Variants in GLRB observed in about 807,000 individuals in gnomAD.
GLRB encodes the protein glycine receptor beta.
Under a neutral mutation model 54.2 loss-of-function variants are expected in GLRB, and 33 were observed. The observed-to-expected ratio is 0.61, with a 90% CI of 0.46 to 0.81. The LOEUF (loss-of-function observed/expected upper bound fraction) is 0.81. GLRB is among the 40% of genes least tolerant of loss of function. The pLI is 0.00. For missense variants in GLRB, 572 were observed against 584.6 expected (o/e 0.98, Z 0.22); for synonymous variants, 209 against 208.2 (o/e 1.00, Z -0.03).
At chr4:157,096,870 A>G (rs1734832706) in intron 2 of GLRB, among the ~76,000 whole-genome samples, 1 of 152,198 alleles carries the variant, frequency 6.6e-6, no homozygotes, top group African/African-American at 2.4e-5. Context: ...TTTCCTGACA[A>G]TAGCAAAAAC....
intron 9 of GLRB, among the ~76,000 whole-genome samples, chr4:157,163,416 A>G (rs1737588716): frequency 6.6e-6 from 1 of 152,120 alleles, no homozygotes; most frequent in South Asian, 2.1e-4. Flanking sequence ...TGGGAGGGGT[A>G]GACTGGAGCT....
intron 4 of GLRB, among the ~76,000 whole-genome samples, chr4:157,132,265 T>C (rs1325279422): frequency 6.6e-6 from 1 of 151,776 alleles, no homozygotes; most frequent in Non-Finnish European, 1.5e-5. Flanking sequence ...TGTTTTCTGA[T>C]GGTTGAGTTT....
intron 8 of GLRB, among the ~76,000 whole-genome samples, chr4:157,148,327 C>T (rs1465284189): frequency 6.6e-6 from 1 of 152,038 alleles, no homozygotes. Flanking sequence ...AAAGCACCAG[C>T]TTTTATCTCA....
At chr4:157,098,640 C>G (rs937285716) in intron 2 of GLRB, among the ~76,000 whole-genome samples, 5 of 151,982 alleles carry the variant, frequency 3.3e-5, no homozygotes, top group Non-Finnish European at 5.9e-5. Flanking sequence ...TGGAGTCTCG[C>G]TCTGTCACCC....
chr4:157,158,559 G>T (rs1051166145), intron 9 of GLRB, among the ~76,000 whole-genome samples: 1 of 152,182 alleles, frequency 6.6e-6, no homozygotes, highest in Non-Finnish European at 1.5e-5. Flanking sequence ...TGGCTAGCCA[G>T]TTTTCCCAGC....
At chr4:157,119,783 G>GT (rs1189140726) in intron 2 of GLRB, among the ~76,000 whole-genome samples, 45 of 151,640 alleles carry the variant, frequency 3.0e-4, no homozygotes, top group Admixed American at 1.1e-3. Context: ...TACACTGTTG[G>GT]GGGACTGTAA....
chr4:157,171,679 G>T lies in GLRB; in HGVS notation c.*951G>T, dbSNP rs1737928806. 1 of 152,074 alleles carries T rather than the reference G, an allele frequency of 6.6e-6. No individual in the cohort carries two copies. 9.4% of individuals were successfully genotyped at this position (152,074 alleles called of 1,614,324 possible). A position where few individuals can be genotyped will look rare whatever the true frequency, so the allele number is the denominator to read the frequency against. On this transcript the variant is annotated 3_prime_UTR_variant, in exon 10 of 10. Coordinates refer to ENST00000264428, the MANE Select transcript of GLRB (RefSeq NM_000824.5). The stretch of plus-strand genomic sequence containing the variant: ...ACTTTTTTATTTTATTAAAATGCTT[G>T]CATATTTTAAGTAAAATTAAAAATG...
intron 2 of GLRB, among the ~76,000 whole-genome samples, chr4:157,115,344 T>C (rs1735573072): frequency 1.3e-5 from 2 of 151,472 alleles, no homozygotes; most frequent in African/African-American, 4.8e-5. Flanking sequence ...CATTTCACTT[T>C]ATATGAGGTT....
chr4:157,112,281 A>T (rs1003234699), intron 2 of GLRB, among the ~76,000 whole-genome samples: 1 of 151,892 alleles, frequency 6.6e-6, no homozygotes, highest in African/African-American at 2.4e-5. Context: ...GAATCCATAA[A>T]CAAATTTATC....
intron 2 of GLRB, among the ~76,000 whole-genome samples, chr4:157,110,273 TA>T (rs1735369931): frequency 6.6e-6 from 1 of 151,940 alleles, no homozygotes. Flanking sequence ...GAAGATCAAA[TA>T]TATATATATC....
intron 2 of GLRB, among the ~76,000 whole-genome samples, chr4:157,098,277 A>G (rs912114571): frequency 1.3e-5 from 2 of 152,162 alleles, no homozygotes; most frequent in Non-Finnish European, 2.9e-5. Flanking sequence ...TTTAATTGTT[A>G]TGAATATATT....
Position 157,077,889 on chromosome 4 carries a change from C to A in GLRB, c.-29-107C>A, listed in dbSNP as rs1024532915. 2.2e-5 allele frequency: 15 copies of A among 672,614 alleles called. No homozygotes were observed. The East Asian group carries it at 4.2e-4, about 19-fold the overall frequency. 41.7% of individuals were successfully genotyped at this position (672,614 alleles called of 1,614,324 possible). Reference sequence around the variant, plus strand: ...GACTGAGCAATGAGGATTTGATGTACAAATGTACTTGCCCTTTGGGTAGTA... The same window carrying A: ...GACTGAGCAATGAGGATTTGATGTAAAAATGTACTTGCCCTTTGGGTAGTA... On this transcript the variant is annotated intron_variant, in intron 1 of 9. Coordinates refer to ENST00000264428, the MANE Select transcript of GLRB (RefSeq NM_000824.5).
chr4:157,167,520 G>A (rs1737755758), intron 9 of GLRB, among the ~76,000 whole-genome samples: 2 of 152,042 alleles, frequency 1.3e-5, no homozygotes, highest in Admixed American at 1.3e-4. Context: ...GAGGTGAGGT[G>A]GTGGACAAAT....
chr4:157,131,657 T>C (rs1192623735), intron 4 of GLRB, among the ~76,000 whole-genome samples: 1 of 151,826 alleles, frequency 6.6e-6, no homozygotes, highest in Admixed American at 6.6e-5. Context: ...TTCCAGAATG[T>C]CAGATAATTG....
intron 4 of GLRB, among the ~76,000 whole-genome samples, chr4:157,122,675 C>T (rs373283329): frequency 1.2e-4 from 18 of 151,638 alleles, no homozygotes; most frequent in South Asian, 6.2e-4. Flanking sequence ...CTGGAGAAAG[C>T]GCTTATGCCA....
intron 2 of GLRB, among the ~76,000 whole-genome samples, chr4:157,115,258 T>G (rs574513314): frequency 3.5e-4 from 53 of 151,140 alleles, no homozygotes; most frequent in Admixed American, 2.5e-3. Flanking sequence ...GGTGTTTTTT[T>G]TTTTTTTTTT....
chr4:157,077,692 T>G, intron 1 of GLRB, among the ~76,000 whole-genome samples: 1 of 151,584 alleles, frequency 6.6e-6, no homozygotes, highest in Non-Finnish European at 1.5e-5. Context: ...TATCAATTTA[T>G]AATTTTGTGT....
At chr4:157,113,033 T>G (rs1434401474) in intron 2 of GLRB, among the ~76,000 whole-genome samples, 2 of 151,904 alleles carry the variant, frequency 1.3e-5, no homozygotes, top group Non-Finnish European at 1.5e-5. Context: ...TGTGGGAAGC[T>G]TACAGTCCAT....
At chr4:157,132,954 G>A (rs1736270009) in intron 4 of GLRB, among the ~76,000 whole-genome samples, 2 of 151,828 alleles carry the variant, frequency 1.3e-5, no homozygotes, top group Admixed American at 6.6e-5. Flanking sequence ...GTACCATTTT[G>A]TGTTGATCTC....
Sources: allele counts gnomAD v4.1 joint callset (sites outside exome capture counted in the v4.1 genomes callset), GRCh38; gene constraint gnomAD v4.1.1; transcripts MANE v1.5; gene names NCBI Gene and HGNC (gene_info 2026-07-23, HGNC 2026-07-21).